Variants in RPH3AL observed in about 807,000 individuals in gnomAD.
RPH3AL encodes the protein rabphilin 3A like (without C2 domains), also known as rab effector Noc2.
RPH3AL carries 38 observed loss-of-function variants against 43.1 expected under a neutral mutation model. The observed-to-expected ratio is 0.88, with a 90% confidence interval of 0.68 to 1.15. The LOEUF (loss-of-function observed/expected upper bound fraction) is 1.15, where lower values mean the gene tolerates loss of function less well. Ranked by LOEUF, RPH3AL falls within the 50% of genes most tolerant of loss-of-function variation. The probability of loss-of-function intolerance (pLI) is 0.00; values close to 1 mark genes in which losing one functional copy is unlikely to be tolerated. For missense variants in RPH3AL, 462 were observed against 423.2 expected, an observed-to-expected ratio of 1.09 and a Z score of -0.81; for synonymous variants, 189 against 176.3, an observed-to-expected ratio of 1.07 and a Z score of -0.57.
chr17:318,120 C>T lies in RPH3AL; in HGVS notation c.351+1300G>A, dbSNP rs182027890. ...ACTAGCAGCCAGGCACGGTGGCTCA[C>T]GCCTGTAATCCCAGCAGTTTGGGAG... On this transcript the variant is annotated intron_variant, in intron 5 of 9. Transcript: ENST00000331302. 8.9e-3 allele frequency among the ~76,000 whole-genome samples: 1,363 copies of T among 152,292 alleles called. 16 individuals are homozygous for T. Among genetic ancestry groups the T allele is most frequent in the African/African-American group, 0.031 (1,278 of 41,554 alleles).
chr17:294,248 G>A (rs2043116246), intron 5 of RPH3AL, among the ~76,000 whole-genome samples: 1 of 151,680 alleles, frequency 6.6e-6, no homozygotes, highest in Non-Finnish European at 1.5e-5. Flanking sequence ...GACCACTTGA[G>A]CCCAGGTGAT....
chr17:290,544 G>A lies in RPH3AL; in HGVS notation c.352-8690C>T, dbSNP rs1480127246. Among the ~76,000 whole-genome samples the A allele has an allele frequency of 6.6e-6, 1 of 152,158 alleles. No homozygotes were observed. Among genetic ancestry groups the A allele is most frequent in the Non-Finnish European group, 1.5e-5 (1 of 68,018 alleles). On this transcript the variant is annotated intron_variant, in intron 5 of 9. Coordinates refer to ENST00000331302, the MANE Select transcript of RPH3AL (RefSeq NM_006987.4). This position sits in a 1 kb window ranked among gnomAD's most constrained non-coding sequence, Gnocchi z 4.2. ...GTCCTTCTTATCCAGGGCCACTTCA[G>A]TGACATTTCTGCTTCCTGCGACTCC...
chr17:253,730 C>CGTCCCT (rs2041984242), intron 6 of RPH3AL, among the ~76,000 whole-genome samples: 3 of 118,586 alleles, frequency 2.5e-5, no homozygotes, highest in Admixed American at 8.1e-5. Context: ...TGTCCTTTTC[C>CGTCCCT]ATCCCTAGGA....
intron 6 of RPH3AL, 94 bp downstream of exon 6, chr17:281,674 C>T: frequency 3.3e-6 from 2 of 604,620 alleles, no homozygotes; most frequent in Non-Finnish European, 3.1e-6. Flanking sequence ...GCCCGCCCAG[C>T]CCTCCCCACC....
rs549030421 is a variant in RPH3AL, at chr17:315,371, G to T, written c.351+4049C>A. Among the ~76,000 whole-genome samples the T allele has an allele frequency of 7.3e-5, 11 of 150,210 alleles. No homozygotes were observed. The East Asian group carries it at 2.2e-3, about 30-fold the overall frequency. On this transcript the variant is annotated intron_variant, in intron 5 of 9. Transcript: ENST00000331302. ...GTGACTCCACTTCCACTGACCTGTA[G>T]TCCCTGTGCCCCACCTCCATTGACC...
At chr17:275,473 A>C (rs1291073970) in intron 6 of RPH3AL, among the ~76,000 whole-genome samples, 1 of 152,080 alleles carries the variant, frequency 6.6e-6, no homozygotes, top group Non-Finnish European at 1.5e-5. Context: ...AGAACTAAGC[A>C]TGGGGACGTC....
rs533949136 is a variant in RPH3AL, at chr17:283,408, T to C, written c.352-1554A>G. The stretch of plus-strand genomic sequence containing the variant: ...ACATTCCTGCGGGGGACGGATTTGC[T>C]ACCATCCAATGCTCAGGTACGAGAA... On this transcript the variant is annotated intron_variant, in intron 5 of 9. Coordinates refer to ENST00000331302, the MANE Select transcript of RPH3AL (RefSeq NM_006987.4). The surrounding 1 kb of genome is among the most constrained non-coding windows in gnomAD (Gnocchi z 4.2). Among the ~76,000 whole-genome samples, 103 of 152,268 alleles carry C rather than the reference T, an allele frequency of 6.8e-4. No individual in the cohort carries two copies. The highest frequency in any genetic ancestry group is 2.4e-3 in the African/African-American group (99 of 41,550).
chr17:272,923 A>AAGGGCGACATCAGGGAGAGACCCCAGCG (rs1567604133), intron 6 of RPH3AL, among the ~76,000 whole-genome samples: 1 of 142,866 alleles, frequency 7.0e-6, no homozygotes, highest in Non-Finnish European at 1.5e-5. Flanking sequence ...AGATCCCAGC[A>AAGGGCGACATCAGGGAGAGACCCCAGCG]AGGGCGACAT....
chr17:257,974 T>C (rs1245893089), intron 6 of RPH3AL, among the ~76,000 whole-genome samples: 1 of 151,388 alleles, frequency 6.6e-6, no homozygotes, highest in South Asian at 2.1e-4. Flanking sequence ...GTGACTACCC[T>C]ACGTACTTCC....
intron 6 of RPH3AL, among the ~76,000 whole-genome samples, chr17:248,664 C>T (rs952251968): frequency 3.9e-5 from 6 of 152,170 alleles, no homozygotes; most frequent in Admixed American, 6.5e-5. Flanking sequence ...CCTCTAATAT[C>T]CCCAGCTTGG....
intron 3 of RPH3AL, among the ~76,000 whole-genome samples, chr17:324,482 C>A (rs954099100): frequency 6.6e-6 from 1 of 152,164 alleles, no homozygotes; most frequent in Admixed American, 6.5e-5. Context: ...AGAACCTGCA[C>A]GTCTGGGAGC....
chr17:281,767 C>A lies in RPH3AL; in HGVS notation c.438+1G>T, dbSNP rs763269875. On this transcript the variant is annotated splice_donor_variant, in intron 6 of 9. Transcript: ENST00000331302. LOFTEE classifies it high-confidence loss of function. The stretch of plus-strand genomic sequence containing the variant: ...CCCCACCGTCACCCTGGACGCCCTA[C>A]CTCTCTTTGCTCACTGCAGATCTTA... 6 of 1,612,014 alleles carry A rather than the reference C, an allele frequency of 3.7e-6. No homozygotes were observed. The highest frequency in any genetic ancestry group is 5.1e-6 in the Non-Finnish European group (6 of 1,178,772).
intron 8 of RPH3AL, among the ~76,000 whole-genome samples, chr17:218,530 T>G (rs1413633643): frequency 3.3e-5 from 5 of 152,278 alleles, no homozygotes; most frequent in Non-Finnish European, 7.3e-5. Context: ...GAGCCCTTTC[T>G]TCTTCTGTAC....
chr17:280,224 T>C (rs1253972489), intron 6 of RPH3AL, among the ~76,000 whole-genome samples: 1 of 152,094 alleles, frequency 6.6e-6, no homozygotes, highest in Non-Finnish European at 1.5e-5. Context: ...TCTTCCAGGG[T>C]TCAGGGACTA....
intron 5 of RPH3AL, among the ~76,000 whole-genome samples, chr17:298,702 C>CT (rs1328439802): frequency 1.1e-4 from 2 of 18,286 alleles, no homozygotes; most frequent in African/African-American, 3.6e-4. Flanking sequence ...GAGATGTTAT[C>CT]TCAAAAAAAA....
intron 7 of RPH3AL, among the ~76,000 whole-genome samples, chr17:236,945 C>T (rs1051424747): frequency 7.2e-5 from 11 of 152,268 alleles, no homozygotes; most frequent in African/African-American, 2.4e-4. Context: ...GTCAGCCTTC[C>T]CCTCCTCATC....
rs372465763 is a variant in RPH3AL at position 217,097 on chromosome 17, C to T, written c.728-1295G>A. ...GTTATTACAGAGCCCTTCTTCTGCACTAAAATTGGCCTCGCTGAAATCAGG... is the reference window on the plus strand; with the variant it reads ...GTTATTACAGAGCCCTTCTTCTGCATTAAAATTGGCCTCGCTGAAATCAGG... On this transcript the variant is annotated intron_variant, in intron 8 of 9. Coordinates refer to ENST00000331302, the MANE Select transcript of RPH3AL (RefSeq NM_006987.4). Among the ~76,000 whole-genome samples the T allele has an allele frequency of 2.0e-3, 257 of 125,386 alleles. 2 individuals carry two copies. Among genetic ancestry groups the T allele is most frequent in the African/African-American group, 7.0e-3 (214 of 30,368 alleles). 82.3% of individuals were successfully genotyped at this position (125,386 alleles called of 152,430 possible).
intron 6 of RPH3AL, among the ~76,000 whole-genome samples, chr17:267,185 A>T (rs1379031017): frequency 6.6e-6 from 1 of 152,224 alleles, no homozygotes; most frequent in Non-Finnish European, 1.5e-5. Context: ...CATGGAGGCT[A>T]ATGACACTTT....
At chr17:343,156 A>T (rs953102300) in intron 1 of RPH3AL, among the ~76,000 whole-genome samples, 8 of 152,176 alleles carry the variant, frequency 5.3e-5, no homozygotes, top group Non-Finnish European at 1.2e-4. Flanking sequence ...AAACACATCC[A>T]TGCCTGTTCC....
Sources: gnomAD v4.1 joint callset for allele counts (sites outside exome capture counted in the v4.1 genomes callset) on GRCh38, gnomAD v4.1.1 for gene constraint, Gnocchi (gnomAD v3.1) non-coding constraint, MANE v1.5 for transcripts, NCBI Gene and HGNC (gene_info 2026-07-23, HGNC 2026-07-21) for gene names.